KRT37: variants seen among roughly 807,000 people sequenced by gnomAD.
The protein encoded by KRT37 is keratin, type I cuticular Ha7.
In KRT37, 38 loss-of-function variants were observed where a neutral mutation model predicts 41.9. The ratio of observed to expected loss-of-function variants is 0.91; its 90% CI spans 0.70 to 1.19. KRT37 has a LOEUF of 1.19. Among genes scored for constraint, KRT37 ranks in the 50% most tolerant of loss-of-function variants. KRT37 has a pLI of 0.00. For synonymous variants in KRT37, 252 were observed against 243.4 expected (o/e 1.04, Z -0.33); for missense variants, 580 against 575.5 (o/e 1.01, Z -0.08).
At chr17:41,423,018 C>T (rs934882257) in intron 2 of KRT37, 84 bp from the exon 3 acceptor site, 130 of 1,502,604 alleles carry the variant, frequency 8.7e-5, no homozygotes, top group Non-Finnish European at 4.0e-5. Flanking sequence ...CCCACACCAC[C>T]TTGGATCCTT....
chr17:41,424,546 G>A lies in KRT37; in HGVS notation c.-23C>T, dbSNP rs2018590469. On this transcript the variant is annotated 5_prime_UTR_variant, in exon 1 of 7. Coordinates refer to ENST00000225550, the MANE Select transcript of KRT37 (RefSeq NM_003770.5). ...CATGGTGTAGGGCTGAGGCTGCACA[G>A]GAGCTTCAGATCAGCTGGGAAGGCT... is the stretch of plus-strand genomic sequence containing the variant. 5 of 1,538,974 alleles carry A rather than the reference G, an allele frequency of 3.2e-6. No individual in the cohort carries two copies. The South Asian group carries it at 6.3e-5, about 19-fold the overall frequency.
chr17:41,421,020 G>A, intron 6 of KRT37, 34 bp from the exon 7 acceptor site: 1 of 1,528,588 alleles, frequency 6.5e-7, no homozygotes, highest in Non-Finnish European at 9.1e-7. Flanking sequence ...ACATTAAAAA[G>A]ATGTCTCAGT....
In KRT37 at chr17:41,422,331, T is replaced by A. The variant is rs1366067243; in HGVS notation, c.836A>T (p.Gln279Leu). 1.2e-6 allele frequency: 2 copies of A among 1,614,094 alleles called. No homozygotes were observed. Among genetic ancestry groups the A allele is most frequent in the Admixed American group, 1.7e-5 (1 of 60,006 alleles). Reference protein sequence around the residue: ...LNRVLGEMRAQYEAMVETNHQ... With the variant: ...LNRVLGEMRALYEAMVETNHQ... ...GTTGGTCTCCACCATGGCCTCGTAC[T>A]GAGCCCGCATCTCCCCCAACACCCT... Residue 279 changes from glutamine (Q) to leucine (L), a missense_variant, in exon 4 of 7, where the codon CAG becomes CTG. Coordinates refer to ENST00000225550, the MANE Select transcript of KRT37 (RefSeq NM_003770.5).
rs1318475807 is a variant in KRT37 at position 41,420,852 on chromosome 17, C to T, written c.*26G>A. ...CTCCTGACCCCAGTGCAACCAGCCT[C>T]AATCTCCTAACTCGGGCCTTCAGAA... is the stretch of plus-strand genomic sequence containing the variant. On this transcript the variant is annotated 3_prime_UTR_variant, in exon 7 of 7. Coordinates refer to ENST00000225550, the MANE Select transcript of KRT37 (RefSeq NM_003770.5). 6.5e-7 allele frequency: 1 copy of T among 1,532,520 alleles called. No homozygotes were observed. Among genetic ancestry groups the T allele is most frequent in the Admixed American group, 1.7e-5 (1 of 59,702 alleles). The allele number at this position is 1,532,520 out of a possible 1,614,324, so 94.9% of individuals were successfully genotyped here.
rs761563200 is a variant in KRT37 at position 41,421,633 on chromosome 17, T to C, written c.1021-46A>G. ...GTAAGAGATCCAGGTGCCCCAAAACTCAGCAGTGAAAATCATGACCAAACT... is the reference window on the plus strand; with the variant it reads ...GTAAGAGATCCAGGTGCCCCAAAACCCAGCAGTGAAAATCATGACCAAACT... On this transcript the variant is annotated intron_variant, in intron 5 of 6. Coordinates refer to ENST00000225550, the MANE Select transcript of KRT37 (RefSeq NM_003770.5). 6.3e-6 allele frequency: 10 copies of C among 1,580,588 alleles called. No individual in the cohort carries two copies. In the South Asian group the frequency reaches 1.1e-4, roughly 18 times the overall value.
chr17:41,421,798 A>C (rs186533353), intron 5 of KRT37, among the ~76,000 whole-genome samples: 22 of 152,224 alleles, frequency 1.4e-4, no homozygotes, highest in Non-Finnish European at 2.4e-4. Flanking sequence ...CTGTATCCCC[A>C]GTGCTTGACA....
chr17:41,422,968 T>A, intron 2 of KRT37, 34 bp from the exon 3 acceptor site: 1 of 1,598,054 alleles, frequency 6.3e-7, no homozygotes, highest in South Asian at 1.1e-5. Context: ...TCAAAAAGAA[T>A]GCCCCAATAG....
intron 6 of KRT37, 118 bp downstream of exon 6, chr17:41,421,249 A>G: frequency 2.7e-6 from 3 of 1,105,694 alleles, no homozygotes; most frequent in Non-Finnish European, 4.0e-6. Context: ...TCACTGAGCA[A>G]GAGAGCACAG....
In KRT37 at chr17:41,424,518, G is replaced by A; in HGVS notation, c.6C>T (p.Thr2=). ...GGCATGAGGAGGTGCTGTAGAAGGAGGTCATGGTGTAGGGCTGAGGCTGCA... is the reference window on the plus strand; with the variant it reads ...GGCATGAGGAGGTGCTGTAGAAGGAAGTCATGGTGTAGGGCTGAGGCTGCA... M[T]SFYSTSSCPL... is the part of the protein sequence containing the mutation. Residue 2 remains threonine, a synonymous_variant, in exon 1 of 7, where the codon ACC becomes ACT. Transcript: ENST00000225550. The A allele has an allele frequency of 1.3e-6, 2 of 1,576,322 alleles. No individual in the cohort carries two copies. The highest frequency in any genetic ancestry group is 1.2e-5 in the South Asian group (1 of 84,964).
chr17:41,421,530 C>A lies in KRT37; in HGVS notation c.1078G>T (p.Ala360Ser), dbSNP rs1413552112. The change falls in exon 6 of 7, where the codon GCC (alanine) becomes TCC (serine). Residue 360 changes from alanine to serine, a missense_variant. Ala to Ser is a moderately conservative substitution (Grantham distance 99, BLOSUM62 1). Transcript: ENST00000225550. ...TTGCTAATGAGGCTCTGCATCTGGG[C>A]CAGCTCTGTGCCGTAGCGGTCCTCC... is the stretch of plus-strand genomic sequence containing the variant. ...EAEDRYGTELAQMQSLISNLE... is the reference protein window; with the variant it reads ...EAEDRYGTELSQMQSLISNLE... The A allele has an allele frequency of 1.9e-6, 3 of 1,614,232 alleles. No homozygotes were observed. The African/African-American group carries it at 4.0e-5, about 22-fold the overall frequency.
chr17:41,422,054 G>A lies in KRT37; in HGVS notation c.1020+15C>T, dbSNP rs2018545967. ...ATGGGGCATTTGCAGTGCAGTGAGGGTGAAGGACACGTACCAAGGTGTGCT... is the reference window on the plus strand; with the variant it reads ...ATGGGGCATTTGCAGTGCAGTGAGGATGAAGGACACGTACCAAGGTGTGCT... On this transcript the variant is annotated intron_variant, in intron 5 of 6. Transcript: ENST00000225550. The A allele has an allele frequency of 3.1e-6, 5 of 1,614,194 alleles. No individual in the cohort carries two copies. Among genetic ancestry groups the A allele is most frequent in the Non-Finnish European group, 4.2e-6 (5 of 1,180,040 alleles).
rs777888658 is a variant in KRT37, at chr17:41,424,093, T to C, written c.431A>G (p.Glu144Gly). The C allele has an allele frequency of 6.2e-7, 1 of 1,614,116 alleles. No homozygotes were observed. Among genetic ancestry groups the C allele is most frequent in the Non-Finnish European group, 8.5e-7 (1 of 1,180,048 alleles). Residue 144 changes from glutamate (E) to glycine (G), a missense_variant, in exon 1 of 7, where the codon GAG becomes GGG. Physicochemically the swap from Glu to Gly is moderately conservative, Grantham distance 98. Transcript: ENST00000225550. ...TTLLERSKCH[E>G]STVCPDYQSY... ...CTGGTAGTCGGGGCACACGGTGGAC[T>C]CGTGGCACTTGCTCCTCTCGAGGAG... is the stretch of plus-strand genomic sequence containing the variant.
rs1158357259 is a variant in KRT37 at position 41,424,297 on chromosome 17, G to A, written c.227C>T (p.Ala76Val). ...GTGACAGGTCCCTGGCAAGGGACAA[G>A]CAGTGTGACTGGTTGGGGGCAGACA... Reference protein sequence around the residue: ...SLCLPPTSHTACPLPGTCHIP... With the variant: ...SLCLPPTSHTVCPLPGTCHIP... The change falls in exon 1 of 7, where the codon GCT (alanine) becomes GTT (valine). Residue 76 changes from alanine (A) to valine (V), a missense_variant. Ala to Val is a moderately conservative substitution (Grantham distance 64). Transcript: ENST00000225550. The A allele has an allele frequency of 1.9e-6, 3 of 1,614,100 alleles. No individual in the cohort carries two copies. Among genetic ancestry groups the A allele is most frequent in the Admixed American group, 3.3e-5 (2 of 60,008 alleles).
chr17:41,420,931 C>T lies in KRT37; in HGVS notation c.1297G>A (p.Gly433Ser), dbSNP rs1296345928. ...PASCTSCPSC[G>S]PVTGGSPSGH... ...GAGGGAGACCCACCGGTGACAGGGC[C>T]ACAGCTTGGACAAGAAGTACAGGAG... Residue 433 changes from glycine to serine, a missense_variant, in exon 7 of 7, where the codon GGC (glycine) becomes AGC (serine). Physicochemically the swap from Gly to Ser is moderately conservative, Grantham distance 56. Coordinates refer to ENST00000225550, the MANE Select transcript of KRT37 (RefSeq NM_003770.5). 3 of 1,613,944 alleles carry T rather than the reference C, an allele frequency of 1.9e-6. No individual in the cohort carries two copies. In the Admixed American group the frequency reaches 5.0e-5, roughly 27 times the overall value.
chr17:41,421,621 G>T, intron 5 of KRT37, 34 bp from the exon 6 acceptor site: 1 of 1,598,748 alleles, frequency 6.3e-7, no homozygotes, highest in Non-Finnish European at 8.6e-7. Flanking sequence ...AGAGATCCAG[G>T]TGCCCCAAAA....
chr17:41,421,656 A>T, intron 5 of KRT37, 69 bp from the exon 6 acceptor site: 1 of 1,463,580 alleles, frequency 6.8e-7, no homozygotes, highest in Non-Finnish European at 9.5e-7. Context: ...TCATGACCAA[A>T]CTCATCACAC....
intron 1 of KRT37, 77 bp from the exon 2 acceptor site, chr17:41,423,921 C>A: frequency 1.2e-6 from 2 of 1,606,712 alleles, no homozygotes; most frequent in Non-Finnish European, 1.7e-6. Flanking sequence ...TATTTACGCT[C>A]ATGTCCAAGA....
chr17:41,423,978 G>A, intron 1 of KRT37, 54 bp downstream of exon 1: 1 of 1,602,266 alleles, frequency 6.2e-7, no homozygotes, highest in Non-Finnish European at 8.5e-7. Flanking sequence ...GATTCCTCCT[G>A]CGAAGGCTTC....
At position 41,424,265 on chromosome 17, in the gene KRT37, C is replaced by T. The variant is rs780411179; in HGVS notation, c.259G>A (p.Gly87Ser). Residue 87 changes from glycine (G) to serine (S), a missense_variant, in exon 1 of 7, where the codon GGC becomes AGC. By Grantham distance (56) the Gly-to-Ser change is moderately conservative. Coordinates refer to ENST00000225550, the MANE Select transcript of KRT37 (RefSeq NM_003770.5). Reference sequence around the variant, plus strand: ...TAGGCCCCACAGATTCCGATGTTGCCGGGAATGTGACAGGTCCCTGGCAAG... The same window carrying T: ...TAGGCCCCACAGATTCCGATGTTGCTGGGAATGTGACAGGTCCCTGGCAAG... ...CPLPGTCHIP[G>S]NIGICGAYGK... is the part of the protein sequence containing the mutation. 10 of 1,614,160 alleles carry T rather than the reference C, an allele frequency of 6.2e-6. No individual in the cohort carries two copies. Among genetic ancestry groups the T allele is most frequent in the Admixed American group, 1.7e-5 (1 of 60,028 alleles).
Sources: allele counts gnomAD v4.1 joint callset (sites outside exome capture counted in the v4.1 genomes callset), GRCh38; gene constraint gnomAD v4.1.1; transcripts MANE v1.5; gene names NCBI Gene and HGNC (gene_info 2026-07-23, HGNC 2026-07-21).